The following TENM2 variants were observed in gnomAD, a reference collection of about 807,000 sequenced individuals.
TENM2 encodes the protein teneurin-2.
Under a neutral mutation model 245.2 loss-of-function variants are expected in TENM2, and 52 were observed. That is an observed-to-expected ratio of 0.21 (90% CI 0.17 to 0.27). The LOEUF (loss-of-function observed/expected upper bound fraction) is 0.27, where lower values mean the gene tolerates loss of function less well. Ranked by LOEUF, TENM2 falls within the 10% of genes least tolerant of loss-of-function variation. The probability of loss-of-function intolerance (pLI) is 1.00; values close to 1 mark genes in which losing one functional copy is unlikely to be tolerated. For missense variants in TENM2, 3,046 were observed against 3,666.8 expected (o/e 0.83, Z 4.37); for synonymous variants, 1,363 against 1,438.9 (o/e 0.95, Z 1.19).
chr5:167,162,958 A>G, the TENM2 span, among the ~76,000 whole-genome samples: 1 of 152,130 alleles, frequency 6.6e-6, no homozygotes, highest in African/African-American at 2.4e-5. Flanking sequence ...AGAATGTGCT[A>G]CAAATTCATT....
intron 1 of TENM2, among the ~76,000 whole-genome samples, chr5:167,308,513 T>C (rs1178493071): frequency 1.3e-5 from 2 of 152,232 alleles, no homozygotes; most frequent in Non-Finnish European, 2.9e-5. Context: ...GATTATGCAC[T>C]GACAGGGACC....
chr5:167,353,443 T>A (rs1759067718), intron 1 of TENM2, among the ~76,000 whole-genome samples: 1 of 150,836 alleles, frequency 6.6e-6, no homozygotes, highest in Non-Finnish European at 1.5e-5. Flanking sequence ...TTTGGGTCCG[T>A]CCAAGTGACC....
At chr5:168,186,496 G>A (rs913586558) in intron 13 of TENM2, 5 of 152,176 alleles carry the variant, frequency 3.3e-5, no homozygotes, top group South Asian at 4.1e-4. Flanking sequence ...TTTTGGCCCC[G>A]TTTCACTGAG....
the TENM2 span, among the ~76,000 whole-genome samples, chr5:167,275,019 T>TAC: frequency 3.1e-3 from 471 of 152,134 alleles, 13 homozygotes; most frequent in East Asian, 0.06. Context: ...TAAATATATA[T>TAC]ACACACATAT....
intron 2 of TENM2, among the ~76,000 whole-genome samples, chr5:167,513,126 T>G (rs999144421): frequency 4.6e-5 from 7 of 152,188 alleles, no homozygotes; most frequent in African/African-American, 1.7e-4. Flanking sequence ...CATTGGGGTT[T>G]AGGCTATTTG....
Position 167,453,389 on chromosome 5 carries a change from A to C in TENM2, c.502+77916A>C, listed in dbSNP as rs989561583. ...AAGAAAGAAATGGTTAAGCATGCCC[A>C]GTCACTATTGTTTGAGTAAAAAAGA... On this transcript the variant is annotated intron_variant, in intron 2 of 28. Coordinates refer to ENST00000518659, the Ensembl canonical transcript of TENM2. Among the ~76,000 whole-genome samples, 8 of 152,276 alleles carry C rather than the reference A, an allele frequency of 5.3e-5. No individual in the cohort carries two copies. In the South Asian group the frequency reaches 8.3e-4, roughly 16 times the overall value.
At chr5:167,147,184 T>C in the TENM2 span, among the ~76,000 whole-genome samples, 1 of 152,196 alleles carries the variant, frequency 6.6e-6, no homozygotes, top group Non-Finnish European at 1.5e-5. Context: ...GATTAGATCG[T>C]ATAGGGAAAC....
At chr5:167,112,477 C>T in the TENM2 span, among the ~76,000 whole-genome samples, 3 of 152,134 alleles carry the variant, frequency 2.0e-5, no homozygotes, top group African/African-American at 7.2e-5. Context: ...GATACAGTCA[C>T]CTTTGTGGGG....
At chr5:166,989,754 G>A in the TENM2 span, among the ~76,000 whole-genome samples, 2 of 151,090 alleles carry the variant, frequency 1.3e-5, no homozygotes, top group Non-Finnish European at 2.9e-5. Flanking sequence ...GATCTTAGGG[G>A]ATGGATAGTA....
chr5:168,241,004 G>C (rs1334978575), intron 25 of TENM2: 11 of 152,188 alleles, frequency 7.2e-5, no homozygotes, highest in African/African-American at 2.7e-4. Flanking sequence ...CTATCTTTCT[G>C]ACCACCACTG....
At chr5:167,880,977 A>G (rs1468808727) in intron 3 of TENM2, among the ~76,000 whole-genome samples, 1 of 152,178 alleles carries the variant, frequency 6.6e-6, no homozygotes, top group Non-Finnish European at 1.5e-5. Context: ...TGACAGCCTC[A>G]TAGAGGTTAG....
chr5:167,412,129 G>A (rs1037373988), intron 2 of TENM2, among the ~76,000 whole-genome samples: 2 of 152,078 alleles, frequency 1.3e-5, no homozygotes, highest in South Asian at 4.1e-4. Flanking sequence ...AGACCACCAG[G>A]ATCCCTCTGG....
intron 2 of TENM2, among the ~76,000 whole-genome samples, chr5:167,458,412 G>A (rs751063611): frequency 4.1e-5 from 6 of 147,230 alleles, no homozygotes; most frequent in Non-Finnish European, 9.0e-5. Flanking sequence ...CCTTGAACCC[G>A]GGAGGCACAG....
chr5:168,160,972 A>G (rs1484826683), intron 12 of TENM2, among the ~76,000 whole-genome samples: 1 of 152,170 alleles, frequency 6.6e-6, no homozygotes, highest in Non-Finnish European at 1.5e-5. Flanking sequence ...TCAAGGTGTC[A>G]GTGAGCTATG....
chr5:167,300,964 G>A (rs1040257422), intron 1 of TENM2, among the ~76,000 whole-genome samples: 5 of 152,182 alleles, frequency 3.3e-5, no homozygotes, highest in African/African-American at 1.2e-4. Flanking sequence ...AGGTTTAGAA[G>A]CCTGGCCGTC....
At chr5:167,459,433 A>G (rs1389774094) in intron 2 of TENM2, among the ~76,000 whole-genome samples, 2 of 152,186 alleles carry the variant, frequency 1.3e-5, no homozygotes, top group African/African-American at 4.8e-5. Context: ...CCTCTTGGCT[A>G]CTGTGAATAA....
the TENM2 span, among the ~76,000 whole-genome samples, chr5:167,003,546 A>G: frequency 6.6e-6 from 1 of 152,132 alleles, no homozygotes; most frequent in Non-Finnish European, 1.5e-5. Flanking sequence ...TGTAGCATCA[A>G]TTTAATTTAT....
chr5:168,039,090 C>T (rs1292064067), intron 5 of TENM2, among the ~76,000 whole-genome samples: 1 of 152,188 alleles, frequency 6.6e-6, no homozygotes, highest in Non-Finnish European at 1.5e-5. Context: ...CTTGCCTCTC[C>T]TCCTTGCAGA....
chr5:167,472,056 A>T (rs565317626), intron 2 of TENM2, among the ~76,000 whole-genome samples: 2 of 152,236 alleles, frequency 1.3e-5, no homozygotes, highest in East Asian at 3.9e-4. Flanking sequence ...GTTAATGGTA[A>T]TCCAGCCAAA....
Sources: allele counts gnomAD v4.1 joint callset (sites outside exome capture counted in the v4.1 genomes callset), GRCh38; gene constraint gnomAD v4.1.1; transcripts MANE v1.5; gene names NCBI Gene and HGNC (gene_info 2026-07-23, HGNC 2026-07-21).